Variants in STAG2 observed in about 807,000 individuals in gnomAD.
STAG2 encodes STAG2 cohesin complex component.
Under a neutral mutation model 108.1 loss-of-function variants are expected in STAG2, and 14 were observed. The ratio of observed to expected loss-of-function variants is 0.13; its 90% CI spans 0.09 to 0.20. STAG2 has a LOEUF of 0.20. Among genes scored for constraint, STAG2 ranks in the 10% least tolerant of loss-of-function variants. The probability of loss-of-function intolerance (pLI) is 1.00; values close to 1 mark genes in which losing one functional copy is unlikely to be tolerated. For synonymous variants in STAG2, 307 were observed against 302.7 expected (o/e 1.01, Z -0.15); for missense variants, 440 against 940.9 (o/e 0.47, Z 6.96).
chrX:124,001,023 C>G (rs1165509616), intron 1 of STAG2, among the ~76,000 whole-genome samples: 2 of 111,759 alleles, frequency 1.8e-5, no homozygotes, highest in African/African-American at 3.2e-5. Flanking sequence ...AATTAGGAGT[C>G]AGTGTAAAAG....
chrX:124,056,245 T>C lies in STAG2; in HGVS notation c.1304+10T>C. On this transcript the variant is annotated intron_variant, in intron 14 of 34. Transcript: ENST00000371145. Reference sequence around the variant, plus strand: ...AATTTCTCTACAAAAAGTAAATCTATATATCTGTTACTCATTTTCTAAGGC... The same window carrying C: ...AATTTCTCTACAAAAAGTAAATCTACATATCTGTTACTCATTTTCTAAGGC... 8.8e-7 allele frequency: 1 copy of C among 1,139,147 alleles called. No homozygotes were observed. Among genetic ancestry groups the C allele is most frequent in the Non-Finnish European group, 1.2e-6 (1 of 833,887 alleles). The allele number at this position is 1,139,147 out of a possible 1,213,427, so 93.9% of individuals were successfully genotyped here. A position where few individuals can be genotyped will look rare whatever the true frequency, so the allele number is the denominator to read the frequency against.
At position 124,025,881 on chromosome X, in the gene STAG2, A is replaced by C. The variant is rs756567157; in HGVS notation, c.86A>C (p.Asp29Ala). Residue 29 changes from aspartate (D) to alanine (A), a missense_variant, in exon 4 of 35, where the codon GAT becomes GCT. Physicochemically the swap from Asp to Ala is moderately radical, Grantham distance 126. Coordinates refer to ENST00000371145, the MANE Select transcript of STAG2 (RefSeq NM_001042750.2). The part of the protein sequence containing the change: ...THFSSDTDFE[D>A]IEGKNQKQGK... ...TTTTCTTCTGACACAGATTTTGAAGATATCGAAGGAAAAAACCAAAAGCAA... is the reference window on the plus strand; with the variant it reads ...TTTTCTTCTGACACAGATTTTGAAGCTATCGAAGGAAAAAACCAAAAGCAA... The C allele has an allele frequency of 8.4e-7, 1 of 1,188,526 alleles. No homozygotes were observed. The highest frequency in any genetic ancestry group is 1.9e-5 in the South Asian group (1 of 52,851).
chrX:123,989,691 G>A (rs1473823869), intron 1 of STAG2, among the ~76,000 whole-genome samples: 4 of 103,844 alleles, frequency 3.9e-5, no homozygotes, highest in Non-Finnish European at 5.9e-5. Context: ...TGCAACCTCC[G>A]CCTCCCGTGT....
chrX:124,096,240 T>C (rs1387140254), intron 34 of STAG2, among the ~76,000 whole-genome samples: 3 of 111,351 alleles, frequency 2.7e-5, no homozygotes, highest in Non-Finnish European at 5.7e-5. Context: ...AAACAAAGCC[T>C]TTTATGATCT....
chrX:124,054,962 G>T (rs1275547872), intron 13 of STAG2, among the ~76,000 whole-genome samples: 1 of 110,146 alleles, frequency 9.1e-6, no homozygotes, highest in African/African-American at 3.3e-5. Flanking sequence ...TAGAGATGAG[G>T]TCTCATGTTG....
At chrX:124,006,578 A>AC (rs1424761476) in intron 1 of STAG2, among the ~76,000 whole-genome samples, 4 of 108,939 alleles carry the variant, frequency 3.7e-5, no homozygotes, top group Non-Finnish European at 7.6e-5. Context: ...AGCTGGGACT[A>AC]CAGGTGCCCA....
At chrX:124,006,432 C>T (rs2056292212) in intron 1 of STAG2, among the ~76,000 whole-genome samples, 2 of 82,560 alleles carry the variant, frequency 2.4e-5, no homozygotes, top group South Asian at 8.7e-4. Context: ...TTGGTGTTGT[C>T]ACTATTTTTT....
chrX:123,972,281 T>TTTTTTTTC (rs993027540), intron 1 of STAG2, among the ~76,000 whole-genome samples: 1 of 107,184 alleles, frequency 9.3e-6, no homozygotes, highest in African/African-American at 3.4e-5. Context: ...CTATCATTTT[T>TTTTTTTTC]TTTTTTTCTT....
chrX:124,063,805 C>T (rs2148324702), intron 19 of STAG2, 43 bp from the exon 20 acceptor site: 2 of 1,139,451 alleles, frequency 1.8e-6, no homozygotes, highest in Non-Finnish European at 2.4e-6. Context: ...TTATACCTAT[C>T]ATATATGCCT....
intron 32 of STAG2, chrX:124,093,783 ATAAAGC>A: frequency 3.0e-6 from 1 of 334,492 alleles, no homozygotes. Context: ...TATCAGAACT[ATAAAGC>A]TAAATGTACT....
chrX:124,060,143 T>G (rs1038481517), intron 15 of STAG2, among the ~76,000 whole-genome samples: 4 of 112,012 alleles, frequency 3.6e-5, no homozygotes, highest in African/African-American at 9.8e-5. Context: ...TGTTGTTGTT[T>G]TTTGATACAA....
At chrX:124,059,404 G>T (rs1169808007) in intron 15 of STAG2, among the ~76,000 whole-genome samples, 1 of 112,092 alleles carries the variant, frequency 8.9e-6, no homozygotes, top group Non-Finnish European at 1.9e-5. Flanking sequence ...TAGGTGTTTT[G>T]TAGATATTTA....
At chrX:124,067,477 A>G (rs1241291220) in intron 23 of STAG2, among the ~76,000 whole-genome samples, 3 of 110,649 alleles carry the variant, frequency 2.7e-5, no homozygotes, top group Non-Finnish European at 5.7e-5. Context: ...CATGTTGACC[A>G]GGCTTGTGAA....
chrX:124,002,632 G>A (rs2056094006), intron 1 of STAG2, among the ~76,000 whole-genome samples: 1 of 109,968 alleles, frequency 9.1e-6, no homozygotes, highest in African/African-American at 3.3e-5. Flanking sequence ...CCATACACCT[G>A]ATTTTTTTTG....
At chrX:123,962,076 A>G (rs972887924) in intron 1 of STAG2, 1 of 110,015 alleles carries the variant, frequency 9.1e-6, no homozygotes, top group Non-Finnish European at 1.9e-5. Context: ...TGTCTTTCTC[A>G]AGGCACGAAC....
chrX:124,053,205 A>G (rs1334737398), intron 13 of STAG2, among the ~76,000 whole-genome samples: 1 of 112,279 alleles, frequency 8.9e-6, no homozygotes, highest in African/African-American at 3.2e-5. Context: ...TATACCAAGC[A>G]CTTGGGTGGT....
chrX:123,976,356 T>C (rs752474888), intron 1 of STAG2, among the ~76,000 whole-genome samples: 3 of 112,347 alleles, frequency 2.7e-5, no homozygotes, highest in East Asian at 5.5e-4. Context: ...CATATATGTA[T>C]AAATATATAG....
chrX:124,003,502 C>A (rs199428), intron 1 of STAG2: 34,073 of 108,365 alleles, frequency 0.31, 4,533 homozygotes, highest in African/African-American at 0.5. Flanking sequence ...GCTCACTGCA[C>A]CCTCCACCTT....
rs1602975171 is a variant in STAG2 at position 124,037,031 on chromosome X, G to A, written c.289-496G>A. On this transcript the variant is annotated intron_variant, in intron 5 of 34. Transcript: ENST00000371145. ...CTCGCGAGTAGTTGGGATTACAGGC[G>A]TGCACCACCACGCCTGGCTAATTTT... 5.5e-5 allele frequency among the ~76,000 whole-genome samples: 6 copies of A among 109,825 alleles called. No homozygotes were observed. The Admixed American group carries it at 5.9e-4, about 11-fold the overall frequency.
Sources: allele counts gnomAD v4.1 joint callset (sites outside exome capture counted in the v4.1 genomes callset), GRCh38; gene constraint gnomAD v4.1.1; transcripts MANE v1.5; gene names NCBI Gene and HGNC (gene_info 2026-07-23, HGNC 2026-07-21).